Variants in KLC1 observed in about 807,000 individuals in gnomAD.
KLC1 encodes kinesin light chain 1, also known as kinesin 2 60/70kDa.
Under a neutral mutation model 84.2 loss-of-function variants are expected in KLC1, and 30 were observed. That is an observed-to-expected ratio of 0.36 (90% confidence interval 0.27 to 0.48). The LOEUF (loss-of-function observed/expected upper bound fraction) is 0.48. Among genes scored for constraint, KLC1 ranks in the 20% least tolerant of loss-of-function variants. The probability of loss-of-function intolerance (pLI) is 0.99; values close to 1 mark genes in which losing one functional copy is unlikely to be tolerated. For synonymous variants in KLC1, 289 were observed against 293.3 expected, an observed-to-expected ratio of 0.99 and a Z score of 0.15; for missense variants, 499 against 805.4, an observed-to-expected ratio of 0.62 and a Z score of 4.60.
chr14:103,670,098 GA>G, intron 6 of KLC1, 83 bp from the exon 7 acceptor site: 1 of 919,322 alleles, frequency 1.1e-6, no homozygotes, highest in Non-Finnish European at 1.7e-6. Flanking sequence ...TGTATAGATT[GA>G]ATATAAATGA....
intron 11 of KLC1, among the ~76,000 whole-genome samples, chr14:103,676,040 C>T (rs935982143): frequency 6.6e-6 from 1 of 152,198 alleles, no homozygotes; most frequent in East Asian, 1.9e-4. Context: ...GAGAAGCATG[C>T]CAGCAGGCCT....
At chr14:103,637,454 C>T (rs1000637754) in intron 1 of KLC1, among the ~76,000 whole-genome samples, 30 of 151,386 alleles carry the variant, frequency 2.0e-4, no homozygotes, top group African/African-American at 6.1e-4. Context: ...CGCTTGATCC[C>T]GGGAGGCAGA....
At chr14:103,664,819 CTTTTTTTTTTTT>C (rs34967823) in intron 5 of KLC1, among the ~76,000 whole-genome samples, 18 of 102,006 alleles carry the variant, frequency 1.8e-4, no homozygotes, top group Non-Finnish European at 2.5e-4. Context: ...TTGGCCAAGG[CTTTTTTTTTTTT>C]TTTTTTTTTT....
chr14:103,646,274 C>T (rs542377770), intron 1 of KLC1, among the ~76,000 whole-genome samples: 14 of 152,144 alleles, frequency 9.2e-5, no homozygotes, highest in African/African-American at 2.9e-4. Context: ...TCATAAAGGA[C>T]GAATTAAAAG....
chr14:103,648,239 G>A (rs757382157), intron 1 of KLC1, among the ~76,000 whole-genome samples: 3 of 152,226 alleles, frequency 2.0e-5, no homozygotes, highest in Non-Finnish European at 4.4e-5. Context: ...GTGAGCCACC[G>A]CGCCCAGCCT....
chr14:103,672,875 G>A (rs192885023), intron 7 of KLC1, 139 bp from the exon 8 acceptor site: 12 of 714,844 alleles, frequency 1.7e-5, no homozygotes, highest in East Asian at 1.4e-4. Context: ...GTGGTGTAGC[G>A]AGCCAGTTAA....
chr14:103,695,323 A>G, intron 15 of KLC1: 1 of 604,350 alleles, frequency 1.7e-6, no homozygotes, highest in Non-Finnish European at 2.0e-6. Context: ...GTATATATAT[A>G]TATATGTGTG....
In KLC1 at chr14:103,685,596, C is replaced by T. The variant is rs146015064; in HGVS notation, c.1651-1485C>T. 25 of 1,289,234 alleles carry T rather than the reference C, an allele frequency of 1.9e-5. 1 individual carries two copies. The East Asian group carries it at 2.2e-4, about 11-fold the overall frequency. 79.9% of individuals were successfully genotyped at this position (1,289,234 alleles called of 1,614,324 possible). A position where few individuals can be genotyped will look rare whatever the true frequency, so the allele number is the denominator to read the frequency against. On this transcript the variant is annotated intron_variant, in intron 13 of 16. Coordinates refer to ENST00000334553, the MANE Select transcript of KLC1 (RefSeq NM_001394837.1). Reference sequence around the variant, plus strand: ...TGCAGAGCCTGTTGCCTTTCCTCGCCGCGGTTTCACGTGGGTTTTCTCTCT... The same window carrying T: ...TGCAGAGCCTGTTGCCTTTCCTCGCTGCGGTTTCACGTGGGTTTTCTCTCT...
chr14:103,696,663 A>C, intron 15 of KLC1: 1 of 985,492 alleles, frequency 1.0e-6, no homozygotes, highest in East Asian at 1.1e-4. Context: ...CAGCGGGGCC[A>C]GCTGTCTCAG....
intron 12 of KLC1, among the ~76,000 whole-genome samples, chr14:103,678,611 AC>A: frequency 6.6e-6 from 1 of 151,270 alleles, no homozygotes; most frequent in South Asian, 2.1e-4. Context: ...GATCGCTTGA[AC>A]CCGGGAGCTG....
chr14:103,687,082 A>C lies in KLC1; in HGVS notation c.1652A>C (p.Asp551Ala). The C allele has an allele frequency of 6.5e-7, 1 of 1,529,554 alleles. No individual in the cohort carries two copies. Among genetic ancestry groups the C allele is most frequent in the Non-Finnish European group, 8.8e-7 (1 of 1,130,146 alleles). The allele number at this position is 1,529,554 out of a possible 1,614,324, so 94.7% of individuals were successfully genotyped here. A position where few individuals can be genotyped will look rare whatever the true frequency, so the allele number is the denominator to read the frequency against. The change falls in exon 14 of 17, where the codon GAT (aspartate) becomes GCT (alanine). Residue 551 changes from aspartate to alanine, a missense_variant and splice_region_variant. Asp to Ala is a moderately radical substitution (Grantham distance 126, BLOSUM62 -2). This residue lies in a region of KLC1 where 167 missense variants were observed against 208.8 expected (regional missense o/e 0.80). Transcript: ENST00000334553. ...EVSMSVEWNG[D>A]GTGSLKRSGS... ...CACGTTTGTTCACGTTTTTTTCAGG[A>C]TGGCACTGGATCTTTAAAACGCAGT...
rs774055939 is a variant in KLC1 at position 103,657,578 on chromosome 14, T to C, written c.294T>C (p.Ala98=). ...VMMALSNHLN[A]VESEKQKLRA... is the part of the protein sequence containing the mutation. ...TGGCTTTGTCAAATCACCTGAATGCTGTGGAGTCCGAGAAGCAGAAACTGC... is the reference window on the plus strand; with the variant it reads ...TGGCTTTGTCAAATCACCTGAATGCCGTGGAGTCCGAGAAGCAGAAACTGC... Residue 98 remains alanine, a synonymous_variant, in exon 3 of 17, where the codon GCT becomes GCC. Coordinates refer to ENST00000334553, the MANE Select transcript of KLC1 (RefSeq NM_001394837.1). 9 of 1,614,058 alleles carry C rather than the reference T, an allele frequency of 5.6e-6. No individual in the cohort carries two copies. Among genetic ancestry groups the C allele is most frequent in the South Asian group, 1.1e-5 (1 of 91,090 alleles).
intron 15 of KLC1, chr14:103,695,945 C>T: frequency 3.0e-6 from 3 of 985,438 alleles, no homozygotes; most frequent in Non-Finnish European, 3.6e-6. Flanking sequence ...AGCCATTTCC[C>T]ATCTGGCGGT....
intron 15 of KLC1, chr14:103,697,516 TAACAG>T (rs1360194314): frequency 6.6e-6 from 1 of 151,970 alleles, no homozygotes; most frequent in African/African-American, 2.4e-5. Flanking sequence ...AGTGGAGATG[TAACAG>T]TACCTATCCC....
chr14:103,637,859 C>T (rs760571325), intron 1 of KLC1, among the ~76,000 whole-genome samples: 16 of 152,090 alleles, frequency 1.1e-4, no homozygotes, highest in Non-Finnish European at 1.9e-4. Flanking sequence ...CCACCATGAC[C>T]GGCTTGTTTT....
intron 15 of KLC1, chr14:103,695,719 G>C (rs1056496786): frequency 1.0e-6 from 1 of 985,346 alleles, no homozygotes; most frequent in African/African-American, 1.7e-5. Context: ...TGTGGAGCCT[G>C]CTGTGGCTTC....
chr14:103,695,793 T>C, intron 15 of KLC1: 2 of 985,338 alleles, frequency 2.0e-6, no homozygotes, highest in African/African-American at 1.7e-5. Context: ...GCACTGTGTG[T>C]TGGGGTAAGA....
At chr14:103,636,358 A>T (rs938793806) in intron 1 of KLC1, among the ~76,000 whole-genome samples, 1 of 151,924 alleles carries the variant, frequency 6.6e-6, no homozygotes, top group Non-Finnish European at 1.5e-5. Context: ...AGTATCTGGG[A>T]TTACAGTCAT....
intron 1 of KLC1, among the ~76,000 whole-genome samples, chr14:103,640,509 C>G (rs1282057470): frequency 6.6e-6 from 1 of 152,118 alleles, no homozygotes; most frequent in African/African-American, 2.4e-5. Context: ...CACAGGCGCC[C>G]GCCACCACGC....
Sources: allele counts gnomAD v4.1 joint callset (sites outside exome capture counted in the v4.1 genomes callset), GRCh38; gene constraint gnomAD v4.1.1; regional missense constraint gnomAD v4.1.1; transcripts MANE v1.5; gene names NCBI Gene and HGNC (gene_info 2026-07-23, HGNC 2026-07-21).